CDHR3: variants seen among roughly 807,000 people sequenced by gnomAD.
The protein encoded by CDHR3 is cadherin related family member 3.
Under a neutral mutation model 86.6 loss-of-function variants are expected in CDHR3, and 79 were observed. The ratio of observed to expected loss-of-function variants is 0.91; its 90% confidence interval spans 0.76 to 1.10. The LOEUF (loss-of-function observed/expected upper bound fraction) is 1.10, where lower values mean the gene tolerates loss of function less well. Ranked by LOEUF, CDHR3 falls within the 50% of genes least tolerant of loss-of-function variation. The probability of loss-of-function intolerance (pLI) is 0.00; values close to 1 mark genes in which losing one functional copy is unlikely to be tolerated. For missense variants in CDHR3, 1,081 were observed against 1,077.6 expected (o/e 1.00, Z -0.04); for synonymous variants, 421 against 402.4 (o/e 1.05, Z -0.55).
Position 105,994,819 on chromosome 7 carries a change from A to C in CDHR3, c.582A>C (p.Glu194Asp), listed in dbSNP as rs926115454. 2 of 1,611,640 alleles carry C rather than the reference A, an allele frequency of 1.2e-6. No individual in the cohort carries two copies. The highest frequency in any genetic ancestry group is 2.7e-5 in the African/African-American group (2 of 74,900). ...ATGGCACCCTCTTCTCCACAACAGA[A>C]TTGGACTTTGAAGCAGGACACAGAA... is the stretch of plus-strand genomic sequence containing the variant. The part of the protein sequence containing the change: ...SANGTLFSTT[E>D]LDFEAGHRSF... The change falls in exon 5 of 19, where the codon GAA (glutamate) becomes GAC (aspartate). Residue 194 changes from glutamate to aspartate, a missense_variant. Physicochemically the swap from Glu to Asp is conservative, Grantham distance 45. Transcript: ENST00000317716.
chr7:105,963,583 A>G (rs984481946), intron 1 of CDHR3, among the ~76,000 whole-genome samples: 2 of 152,168 alleles, frequency 1.3e-5, no homozygotes, highest in African/African-American at 4.8e-5. Context: ...AATCTAATCT[A>G]TGTTGGTGTA....
intron 12 of CDHR3, among the ~76,000 whole-genome samples, chr7:106,020,118 A>G (rs376609166): frequency 5.3e-5 from 8 of 152,202 alleles, no homozygotes; most frequent in African/African-American, 1.7e-4. Context: ...AGTTAATAGC[A>G]TAGGATTTGG....
Position 106,022,148 on chromosome 7 carries a change from T to C in CDHR3, c.1826-50T>C, listed in dbSNP as rs1458835005. 1.9e-6 allele frequency: 3 copies of C among 1,602,544 alleles called. No homozygotes were observed. In the African/African-American group the frequency reaches 4.0e-5, roughly 22 times the overall value. On this transcript the variant is annotated intron_variant, in intron 13 of 18. Coordinates refer to ENST00000317716, the MANE Select transcript of CDHR3 (RefSeq NM_152750.5). ...AGTTTTCTTCTAAACCTTTATTTCT[T>C]ACTCTCTTTTCTTCCTTTTACCAAC...
At chr7:105,989,936 G>A (rs3847075) in intron 4 of CDHR3, among the ~76,000 whole-genome samples, 3 of 152,162 alleles carry the variant, frequency 2.0e-5, no homozygotes, top group East Asian at 1.9e-4. Flanking sequence ...CAGGAGTCAG[G>A]AGTCACCACC....
chr7:106,026,041 A>G lies in CDHR3; in HGVS notation c.2259-641A>G, dbSNP rs144252972. On this transcript the variant is annotated intron_variant, in intron 15 of 18. Transcript: ENST00000317716. ...ACCTTGAACCTGGTTCTTTTAACTT[A>G]TGTTGTAAATATTAATTGTTTTCAA... is the stretch of plus-strand genomic sequence containing the variant. 3.5e-4 allele frequency among the ~76,000 whole-genome samples: 54 copies of G among 152,364 alleles called. No homozygotes were observed. The East Asian group carries it at 0.01, about 29-fold the overall frequency.
Position 106,032,755 on chromosome 7 carries a change from TG to T in CDHR3, c.*62del. On this transcript the variant is annotated 3_prime_UTR_variant, in exon 19 of 19. Coordinates refer to ENST00000317716, the MANE Select transcript of CDHR3 (RefSeq NM_152750.5). Reference sequence around the variant, plus strand: ...AGATGCTGCCTCACCCTAAATTCTATGGGGATGGTGTGGGCATGGTGTAGGG... The same window carrying T: ...AGATGCTGCCTCACCCTAAATTCTATGGGATGGTGTGGGCATGGTGTAGGG... 6.6e-7 allele frequency: 1 copy of T among 1,513,820 alleles called. No homozygotes were observed. Among genetic ancestry groups the T allele is most frequent in the South Asian group, 1.3e-5 (1 of 77,672 alleles). The allele number at this position is 1,513,820 out of a possible 1,614,324, so 93.8% of individuals were successfully genotyped here.
intron 6 of CDHR3, among the ~76,000 whole-genome samples, chr7:105,996,760 C>T (rs1188283096): frequency 3.9e-5 from 6 of 152,272 alleles, no homozygotes; most frequent in East Asian, 3.9e-4. Flanking sequence ...ATCCTCACAC[C>T]GAGGAGAGGG....
chr7:105,997,837 A>T (rs1832496119), intron 6 of CDHR3, among the ~76,000 whole-genome samples: 1 of 152,050 alleles, frequency 6.6e-6, no homozygotes, highest in African/African-American at 2.4e-5. Context: ...CTGGCGTGGG[A>T]TGCACCCAGA....
Position 106,017,991 on chromosome 7 carries a change from A to T in CDHR3, c.1572A>T (p.Val524=). 1 of 1,613,952 alleles carries T rather than the reference A, an allele frequency of 6.2e-7. No homozygotes were observed. ...CCAAGACAGGAGAACTCCAGCTGGT[A>T]ACTAAAGTGGACTGTGAAACAACCC... ...INPKTGELQL[V]TKVDCETTPI... Residue 524 remains valine, a synonymous_variant, in exon 12 of 19, where the codon GTA becomes GTT. Coordinates refer to ENST00000317716, the MANE Select transcript of CDHR3 (RefSeq NM_152750.5).
chr7:105,983,987 A>G (rs796122815), intron 3 of CDHR3, among the ~76,000 whole-genome samples: 17 of 152,192 alleles, frequency 1.1e-4, no homozygotes, highest in African/African-American at 3.6e-4. Flanking sequence ...AGCTTGGCCA[A>G]CCCTAGCACT....
At position 106,022,244 on chromosome 7, in the gene CDHR3, T is replaced by C. The variant is rs10258293; in HGVS notation, c.1872T>C (p.Asn624=). 283,452 of 1,613,846 alleles carry C rather than the reference T, an allele frequency of 0.18. 26,373 individuals carry two copies. Among genetic ancestry groups the C allele is most frequent in the Middle Eastern group, 0.29 (1,747 of 6,062 alleles). ...CCTTCTCTCCCAATGCTGGTTCCAA[T>C]GTCACACGCCTGCTGCTTACATCTC... is the stretch of plus-strand genomic sequence containing the variant. ...HFTFSPNAGS[N]VTRLLLTSRF... The change falls in exon 14 of 19, where the codon AAT becomes AAC. Residue 624 remains asparagine, a synonymous_variant. Coordinates refer to ENST00000317716, the MANE Select transcript of CDHR3 (RefSeq NM_152750.5).
At chr7:105,964,017 A>G (rs1826453706) in intron 1 of CDHR3, among the ~76,000 whole-genome samples, 2 of 152,186 alleles carry the variant, frequency 1.3e-5, no homozygotes, top group South Asian at 2.1e-4. Flanking sequence ...TTGCAAATTA[A>G]TTTAGGGATA....
At chr7:105,979,432 T>A (rs560448838) in intron 2 of CDHR3, among the ~76,000 whole-genome samples, 1 of 152,328 alleles carries the variant, frequency 6.6e-6, no homozygotes, top group Non-Finnish European at 1.5e-5. Context: ...CATTCACATC[T>A]GTGGCCCTGT....
chr7:106,013,042 G>T lies in CDHR3; in HGVS notation c.1224+11G>T. 1 of 1,574,956 alleles carries T rather than the reference G, an allele frequency of 6.3e-7. No homozygotes were observed. Among genetic ancestry groups the T allele is most frequent in the South Asian group, 1.2e-5 (1 of 84,424 alleles). ...TCTGGGAAGATTGTGGTCAGTTAAT[G>T]GTCATTGCATCATTAAAAGGGCATC... is the stretch of plus-strand genomic sequence containing the variant. On this transcript the variant is annotated intron_variant, in intron 9 of 18. Transcript: ENST00000317716.
Position 106,032,519 on chromosome 7 carries a change from G to C in CDHR3, c.2480G>C (p.Gly827Ala), listed in dbSNP as rs1838533869. ...GCTGCCCCACGCAGAGTCACTGCTG[G>C]GGAAGGGATGGGGTCACTGAGAAGT... is the stretch of plus-strand genomic sequence containing the variant. ...QGAAPRRVTA[G>A]EGMGSLRSAN... The change falls in exon 19 of 19, where the codon GGG (glycine) becomes GCG (alanine). Residue 827 changes from glycine (G) to alanine (A), a missense_variant. Physicochemically the swap from Gly to Ala is moderately conservative, Grantham distance 60. Coordinates refer to ENST00000317716, the MANE Select transcript of CDHR3 (RefSeq NM_152750.5). 6.2e-7 allele frequency: 1 copy of C among 1,613,866 alleles called. No homozygotes were observed. Among genetic ancestry groups the C allele is most frequent in the African/African-American group, 1.3e-5 (1 of 74,914 alleles).
chr7:106,011,796 T>C (rs1268539742), intron 8 of CDHR3, among the ~76,000 whole-genome samples: 1 of 152,226 alleles, frequency 6.6e-6, no homozygotes, highest in African/African-American at 2.4e-5. Context: ...CTGGGCTTGA[T>C]CGGAAGGCTC....
intron 1 of CDHR3, among the ~76,000 whole-genome samples, chr7:105,968,358 T>TTCTA (rs1827313795): frequency 6.6e-6 from 1 of 152,088 alleles, no homozygotes; most frequent in Admixed American, 6.6e-5. Flanking sequence ...CTTTCTTTCT[T>TTCTA]TTTTTTATTT....
At chr7:106,017,781 G>A (rs1339014924) in intron 11 of CDHR3, 65 bp from the exon 12 acceptor site, 3 of 1,344,882 alleles carry the variant, frequency 2.2e-6, no homozygotes, top group Non-Finnish European at 3.1e-6. Context: ...TAGGACATCT[G>A]TTCCTGAATC....
At chr7:105,982,383 G>GGCATGAACCCGGGA (rs1829880685) in intron 3 of CDHR3, among the ~76,000 whole-genome samples, 1 of 149,554 alleles carries the variant, frequency 6.7e-6, no homozygotes, top group African/African-American at 2.5e-5. Flanking sequence ...GCAGGAGAAT[G>GGCATGAACCCGGGA]GCATGAACCC....
Sources: gnomAD v4.1 joint callset for allele counts (sites outside exome capture counted in the v4.1 genomes callset) on GRCh38, gnomAD v4.1.1 for gene constraint, MANE v1.5 for transcripts, NCBI Gene and HGNC (gene_info 2026-07-23, HGNC 2026-07-21) for gene names.